CPNE5: variants seen among roughly 807,000 people sequenced by gnomAD.
CPNE5 encodes copine-5.
Under a neutral mutation model 81.1 loss-of-function variants are expected in CPNE5, and 42 were observed. That is an observed-to-expected ratio of 0.52 (90% CI 0.40 to 0.67). The LOEUF (loss-of-function observed/expected upper bound fraction) is 0.67, where lower values mean the gene tolerates loss of function less well. CPNE5 is among the 30% of genes least tolerant of loss of function. CPNE5 has a pLI of 0.00. For synonymous variants in CPNE5, 313 were observed against 321.5 expected, an observed-to-expected ratio of 0.97 and a Z score of 0.28; for missense variants, 612 against 815.5, an observed-to-expected ratio of 0.75 and a Z score of 3.04.
At chr6:36,751,338 GA>G (rs1290856485) in intron 14 of CPNE5, among the ~76,000 whole-genome samples, 1 of 152,256 alleles carries the variant, frequency 6.6e-6, no homozygotes, top group African/African-American at 2.4e-5. Flanking sequence ...AGGCTAGACT[GA>G]TTCATTACTA....
Position 36,822,035 on chromosome 6 carries a change from G to C in CPNE5, c.183+79C>G, listed in dbSNP as rs1191464281. 4.5e-5 allele frequency: 61 copies of C among 1,342,018 alleles called. No homozygotes were observed. The South Asian group carries it at 8.6e-4, about 19-fold the overall frequency. 83.1% of individuals were successfully genotyped at this position (1,342,018 alleles called of 1,614,324 possible). A position where few individuals can be genotyped will look rare whatever the true frequency, so the allele number is the denominator to read the frequency against. On this transcript the variant is annotated intron_variant, in intron 3 of 20. Coordinates refer to ENST00000244751, the MANE Select transcript of CPNE5 (RefSeq NM_020939.2). ...ATGCTGCAGTTAGAAACATGTCAGG[G>C]AAATTGCTCCCGAATTAGAGACAGA...
rs112360661 is a variant in CPNE5 at position 36,835,804 on chromosome 6, C to CAA, written c.95+3477_95+3478dup. ...GGGCAACAGAGCAAAAACTCCGTCTCAAAAAAAAAAAAAAGAATCTCTAGA... is the reference window on the plus strand; with the variant it reads ...GGGCAACAGAGCAAAAACTCCGTCTCAAAAAAAAAAAAAAAAGAATCTCTAGA... On this transcript the variant is annotated intron_variant, in intron 1 of 20. Coordinates refer to ENST00000244751, the MANE Select transcript of CPNE5 (RefSeq NM_020939.2). Among the ~76,000 whole-genome samples the CAA allele has an allele frequency of 8.1e-5, 10 of 123,622 alleles. No individual in the cohort carries two copies. In the East Asian group the frequency reaches 9.1e-4, roughly 11 times the overall value. The allele number at this position is 123,622 out of a possible 152,430, so 81.1% of individuals were successfully genotyped here. A position where few individuals can be genotyped will look rare whatever the true frequency, so the allele number is the denominator to read the frequency against.
chr6:36,839,633 C>T (rs1033799330), upstream of CPNE5: 3 of 396,316 alleles, frequency 7.6e-6, no homozygotes, highest in Non-Finnish European at 1.4e-5. The surrounding 1 kb of genome is among the most constrained non-coding windows in gnomAD (Gnocchi z 7.3). Flanking sequence ...GGCAAGGAGC[C>T]CAGGGAGCGG....
intron 20 of CPNE5, chr6:36,743,256 C>T: frequency 1.0e-6 from 1 of 985,134 alleles, no homozygotes; most frequent in Non-Finnish European, 1.2e-6. Flanking sequence ...AAAGGTCTTT[C>T]TGCTCATTAT....
intron 6 of CPNE5, among the ~76,000 whole-genome samples, chr6:36,795,783 A>G (rs1311725971): frequency 6.6e-6 from 1 of 152,210 alleles, no homozygotes; most frequent in African/African-American, 2.4e-5. Context: ...AGATTTCACA[A>G]GCAAAACACT....
chr6:36,769,167 G>T (rs1211358170), intron 10 of CPNE5, among the ~76,000 whole-genome samples: 1 of 152,186 alleles, frequency 6.6e-6, no homozygotes, highest in Non-Finnish European at 1.5e-5. Context: ...CCTATATCAG[G>T]TGCTGTATAC....
At chr6:36,787,906 G>A (rs192603627) in intron 8 of CPNE5, among the ~76,000 whole-genome samples, 16 of 152,238 alleles carry the variant, frequency 1.1e-4, no homozygotes, top group African/African-American at 3.4e-4. Flanking sequence ...ATCCTGAGCC[G>A]GGAAGTCCTG....
intron 3 of CPNE5, 130 bp from the exon 4 acceptor site, chr6:36,800,200 G>C (rs1769981762): frequency 1.6e-6 from 1 of 619,386 alleles, no homozygotes; most frequent in South Asian, 2.0e-5. Context: ...GTCTCTCCAG[G>C]CTCCTGACAT....
chr6:36,799,102 C>T (rs1326247603), intron 4 of CPNE5, among the ~76,000 whole-genome samples: 1 of 152,154 alleles, frequency 6.6e-6, no homozygotes, highest in East Asian at 1.9e-4. Context: ...TCACCTGGAG[C>T]CTCACCTGCA....
In CPNE5 at chr6:36,762,188, G is replaced by A. The variant is rs531381944; in HGVS notation, c.855+729C>T. ...GGATCGCTTGAGCCTGGGAGATTGGGGCTGCAGTGAACCAGGGCAACAGAG... is the reference window on the plus strand; with the variant it reads ...GGATCGCTTGAGCCTGGGAGATTGGAGCTGCAGTGAACCAGGGCAACAGAG... On this transcript the variant is annotated intron_variant, in intron 12 of 20. Transcript: ENST00000244751. 6.0e-5 allele frequency among the ~76,000 whole-genome samples: 9 copies of A among 148,946 alleles called. No individual in the cohort carries two copies. In the South Asian group the frequency reaches 1.9e-3, roughly 32 times the overall value.
chr6:36,778,504 G>T (rs1023303219), intron 9 of CPNE5, among the ~76,000 whole-genome samples: 7 of 152,096 alleles, frequency 4.6e-5, no homozygotes, highest in Non-Finnish European at 1.0e-4. Flanking sequence ...TAGAATGAAG[G>T]AGCTATCAGA....
chr6:36,789,434 T>C (rs1324580429), intron 8 of CPNE5, among the ~76,000 whole-genome samples: 1 of 152,234 alleles, frequency 6.6e-6, no homozygotes, highest in Non-Finnish European at 1.5e-5. Flanking sequence ...CTTTCATGTA[T>C]GTGACTTTAT....
intron 3 of CPNE5, among the ~76,000 whole-genome samples, chr6:36,803,825 C>A (rs1770345772): frequency 6.6e-6 from 1 of 151,968 alleles, no homozygotes; most frequent in South Asian, 2.1e-4. Flanking sequence ...TTAAAAATAC[C>A]CATGCTCAGC....
At chr6:36,779,903 G>A (rs910256460) in intron 8 of CPNE5, among the ~76,000 whole-genome samples, 5 of 151,664 alleles carry the variant, frequency 3.3e-5, no homozygotes, top group African/African-American at 4.8e-5. Flanking sequence ...GGGCTCTGTC[G>A]TCCAGACCCC....
intron 10 of CPNE5, among the ~76,000 whole-genome samples, chr6:36,768,994 G>A (rs747441783): frequency 5.3e-5 from 8 of 152,294 alleles, no homozygotes; most frequent in South Asian, 4.1e-4. Context: ...AGTCAGCGCT[G>A]GACACATGTT....
intron 13 of CPNE5, 137 bp downstream of exon 13, chr6:36,756,107 CA>C: frequency 2.3e-5 from 10 of 426,610 alleles, no homozygotes; most frequent in Non-Finnish European, 3.1e-5. Flanking sequence ...CACCCCTCCC[CA>C]CCCCATCTCT....
intron 1 of CPNE5, among the ~76,000 whole-genome samples, chr6:36,834,443 G>A (rs1185814528): frequency 6.6e-6 from 1 of 151,920 alleles, no homozygotes; most frequent in Non-Finnish European, 1.5e-5. Context: ...ATCACCTGAG[G>A]TCAGCAGTTC....
chr6:36,785,288 C>T (rs1232466793), intron 8 of CPNE5, among the ~76,000 whole-genome samples: 3 of 152,204 alleles, frequency 2.0e-5, no homozygotes, highest in African/African-American at 7.2e-5. Flanking sequence ...GTCTCAATGG[C>T]AGCTTCCAGA....
At chr6:36,816,968 G>A (rs535729618) in intron 3 of CPNE5, among the ~76,000 whole-genome samples, 36 of 152,264 alleles carry the variant, frequency 2.4e-4, no homozygotes, top group Non-Finnish European at 3.5e-4. Flanking sequence ...CAGTAGGGAC[G>A]GGTCTTGCCA....
Sources: allele counts gnomAD v4.1 joint callset (sites outside exome capture counted in the v4.1 genomes callset), GRCh38; gene constraint gnomAD v4.1.1; non-coding constraint Gnocchi (gnomAD v3.1); transcripts MANE v1.5; gene names NCBI Gene and HGNC (gene_info 2026-07-23, HGNC 2026-07-21).